Variants in LIPA observed in about 807,000 individuals in gnomAD.
LIPA encodes lysosomal acid lipase/cholesteryl ester hydrolase.
Under a neutral mutation model 40.6 loss-of-function variants are expected in LIPA, and 26 were observed. The ratio of observed to expected loss-of-function variants is 0.64; its 90% CI spans 0.47 to 0.89. LIPA has a LOEUF of 0.89. Ranked by LOEUF, LIPA falls within the 40% of genes least tolerant of loss-of-function variation. The pLI is 0.00. For missense variants in LIPA, 455 were observed against 479.6 expected, an observed-to-expected ratio of 0.95 and a Z score of 0.48; for synonymous variants, 188 against 168.4, an observed-to-expected ratio of 1.12 and a Z score of -0.90.
At chr10:89,216,100 T>A (rs1842622958) in intron 8 of LIPA, 91 bp from the exon 9 acceptor site, 1 of 834,674 alleles carries the variant, frequency 1.2e-6, no homozygotes. Context: ...ACCTCGGAAA[T>A]CAACTTTATA....
intron 1 of LIPA, among the ~76,000 whole-genome samples, chr10:89,282,362 G>C (rs1169411564): frequency 3.3e-5 from 5 of 152,194 alleles, no homozygotes; most frequent in Non-Finnish European, 7.3e-5. Context: ...TTTTGGCCGG[G>C]CATGGTGGCT....
intron 1 of LIPA, among the ~76,000 whole-genome samples, chr10:89,248,193 G>A (rs1366653184): frequency 2.7e-5 from 4 of 147,814 alleles, no homozygotes; most frequent in South Asian, 2.1e-4. Flanking sequence ...TCGGAGTCTC[G>A]CTCTGTTGCC....
intron 1 of LIPA, among the ~76,000 whole-genome samples, chr10:89,321,601 AC>A (rs1843572598): frequency 6.6e-6 from 1 of 152,240 alleles, no homozygotes; most frequent in Admixed American, 6.5e-5. Context: ...AGAAATAGGA[AC>A]ACTTTTACAC....
chr10:89,399,457 TCC>T (rs1844390383), intron 2 of LIPA, among the ~76,000 whole-genome samples: 1 of 152,214 alleles, frequency 6.6e-6, no homozygotes, highest in Non-Finnish European at 1.5e-5. Flanking sequence ...AATTGCCAAA[TCC>T]AATGTTACAA....
At chr10:89,402,630 G>A in intron 2 of LIPA, 2 of 1,614,228 alleles carry the variant, frequency 1.2e-6, no homozygotes. Flanking sequence ...GACTTACCTG[G>A]ACAAGGTGGA....
chr10:89,356,665 C>T (rs1275700157), intron 2 of LIPA, among the ~76,000 whole-genome samples: 1 of 152,156 alleles, frequency 6.6e-6, no homozygotes, highest in African/African-American at 2.4e-5. Context: ...AAGCTCAGGG[C>T]TCCCACTGAT....
intron 1 of LIPA, among the ~76,000 whole-genome samples, chr10:89,317,367 C>T (rs539757026): frequency 6.6e-6 from 1 of 152,268 alleles, no homozygotes; most frequent in African/African-American, 2.4e-5. Flanking sequence ...GTAGAGAAGA[C>T]CTTAAATGAT....
chr10:89,345,753 A>C (rs548053600), upstream of LIPA, among the ~76,000 whole-genome samples: 4 of 152,330 alleles, frequency 2.6e-5, no homozygotes, highest in South Asian at 8.3e-4. Flanking sequence ...CTCAGAATGC[A>C]GCACAGAAAA....
At chr10:89,318,655 G>A (rs531940479) in intron 1 of LIPA, among the ~76,000 whole-genome samples, 5 of 152,194 alleles carry the variant, frequency 3.3e-5, no homozygotes, top group East Asian at 1.9e-4. Context: ...ACAGATCAAC[G>A]AGACAGAAAG....
At chr10:89,340,066 G>A in intron 1 of LIPA, 1 of 1,613,886 alleles carries the variant, frequency 6.2e-7, no homozygotes, top group Non-Finnish European at 8.5e-7. Context: ...TGAGGAAATG[G>A]GCCAGGGCGC....
intron 1 of LIPA, among the ~76,000 whole-genome samples, chr10:89,284,733 A>T (rs1843332775): frequency 6.6e-6 from 1 of 152,248 alleles, no homozygotes; most frequent in African/African-American, 2.4e-5. Context: ...CAGGCCTCTG[A>T]GCCCAAGCTA....
At chr10:89,358,169 T>C (rs1198243642) in intron 2 of LIPA, among the ~76,000 whole-genome samples, 1 of 152,180 alleles carries the variant, frequency 6.6e-6, no homozygotes, top group East Asian at 1.9e-4. Flanking sequence ...GAGAAGATAA[T>C]CTGGCCGCCT....
chr10:89,308,132 G>A (rs935666816), intron 1 of LIPA: 2 of 152,128 alleles, frequency 1.3e-5, no homozygotes, highest in African/African-American at 4.8e-5. Context: ...AATGAGAATG[G>A]ATTCTGTACA....
chr10:89,310,792 C>T (rs1843511200), intron 1 of LIPA, among the ~76,000 whole-genome samples: 1 of 152,174 alleles, frequency 6.6e-6, no homozygotes, highest in Non-Finnish European at 1.5e-5. Flanking sequence ...TTCTGCTTCT[C>T]CTCTGGTTCT....
upstream of LIPA, among the ~76,000 whole-genome samples, chr10:89,255,203 G>A (rs892159890): frequency 6.6e-6 from 1 of 152,158 alleles, no homozygotes; most frequent in Admixed American, 6.5e-5. Context: ...CCAAAACTAG[G>A]TAATTTGTAA....
upstream of LIPA, among the ~76,000 whole-genome samples, chr10:89,254,337 C>G (rs1589579723): frequency 1.3e-5 from 2 of 152,206 alleles, no homozygotes; most frequent in African/African-American, 4.8e-5. Context: ...AGGCTCAACA[C>G]CACATGGAAA....
chr10:89,235,995 A>G (rs1306428003), intron 3 of LIPA, among the ~76,000 whole-genome samples: 2 of 152,220 alleles, frequency 1.3e-5, no homozygotes, highest in African/African-American at 4.8e-5. Flanking sequence ...ATAAACATTG[A>G]AAAATTTGTT....
chr10:89,338,995 C>G, intron 1 of LIPA: 1 of 1,614,110 alleles, frequency 6.2e-7, no homozygotes, highest in Non-Finnish European at 8.5e-7. Context: ...CTCAGATGCT[C>G]AGATTTATGT....
At chr10:89,234,507 T>C (rs552432590) in intron 3 of LIPA, among the ~76,000 whole-genome samples, 18 of 152,266 alleles carry the variant, frequency 1.2e-4, no homozygotes, top group African/African-American at 4.3e-4. Context: ...TGAAAAACCT[T>C]TAAAAATGGC....
Sources: gnomAD v4.1 joint callset for allele counts (sites outside exome capture counted in the v4.1 genomes callset) on GRCh38, gnomAD v4.1.1 for gene constraint, MANE v1.5 for transcripts, NCBI Gene and HGNC (gene_info 2026-07-23, HGNC 2026-07-21) for gene names.